The following ALCAM variants were observed in gnomAD, a reference collection of about 807,000 sequenced individuals.
ALCAM encodes CD166 antigen.
In ALCAM, 30 loss-of-function variants were observed where a neutral mutation model predicts 70.9. The observed-to-expected ratio is 0.42, with a 90% CI of 0.32 to 0.57. The LOEUF (loss-of-function observed/expected upper bound fraction) is 0.57. ALCAM is among the 20% of genes least tolerant of loss of function. The pLI is 0.11. For synonymous variants in ALCAM, 249 were observed against 242.5 expected (o/e 1.03, Z -0.25); for missense variants, 591 against 695.1 (o/e 0.85, Z 1.68).
chr3:105,566,573 C>T (rs927484874), intron 14 of ALCAM, among the ~76,000 whole-genome samples: 2 of 152,044 alleles, frequency 1.3e-5, no homozygotes, highest in African/African-American at 2.4e-5. Flanking sequence ...CATTTTAATA[C>T]CTCTACTGGC....
chr3:105,560,935 A>G (rs897847492), intron 14 of ALCAM, among the ~76,000 whole-genome samples: 2 of 152,208 alleles, frequency 1.3e-5, no homozygotes, highest in Admixed American at 1.3e-4. Flanking sequence ...TCTGTGCCAC[A>G]AAAAGTTTTG....
chr3:105,433,297 T>A (rs146341268), intron 1 of ALCAM, among the ~76,000 whole-genome samples: 1 of 152,270 alleles, frequency 6.6e-6, no homozygotes, highest in East Asian at 1.9e-4. Context: ...AGAACTTGCC[T>A]TGGCTTAGTG....
intron 1 of ALCAM, among the ~76,000 whole-genome samples, chr3:105,479,041 C>G (rs1400016736): frequency 6.6e-6 from 1 of 152,064 alleles, no homozygotes; most frequent in African/African-American, 2.4e-5. Context: ...TAGTCTATAA[C>G]AGATTTAGGA....
At chr3:105,389,371 GTTTTTTTTTTTT>G (rs371987714) in intron 1 of ALCAM, among the ~76,000 whole-genome samples, 1,609 of 58,202 alleles carry the variant, frequency 0.028, 42 homozygotes, top group African/African-American at 0.063. Flanking sequence ...TATATACATA[GTTTTTTTTTTTT>G]TTTTTTTTTT....
At chr3:105,430,038 A>G (rs1936888619) in intron 1 of ALCAM, among the ~76,000 whole-genome samples, 2 of 152,012 alleles carry the variant, frequency 1.3e-5, no homozygotes, top group Non-Finnish European at 2.9e-5. Context: ...CAGTAGAGCA[A>G]TGTATGATAA....
At chr3:105,513,639 T>G (rs1939299948) in intron 1 of ALCAM, among the ~76,000 whole-genome samples, 1 of 151,940 alleles carries the variant, frequency 6.6e-6, no homozygotes. Flanking sequence ...TGATTTAAAA[T>G]TCATGAGGCA....
At chr3:105,370,168 T>G (rs916161336) in intron 1 of ALCAM, among the ~76,000 whole-genome samples, 3 of 152,208 alleles carry the variant, frequency 2.0e-5, no homozygotes, top group African/African-American at 7.2e-5. Context: ...ATATTATGTT[T>G]GAAACATATC....
At chr3:105,392,078 G>T (rs1339742609) in intron 1 of ALCAM, among the ~76,000 whole-genome samples, 7 of 151,856 alleles carry the variant, frequency 4.6e-5, no homozygotes, top group African/African-American at 1.5e-4. Context: ...GATAATGCTG[G>T]TCTCACAAAA....
chr3:105,377,278 T>A (rs1935402248), intron 1 of ALCAM, among the ~76,000 whole-genome samples: 5 of 152,142 alleles, frequency 3.3e-5, no homozygotes, highest in Non-Finnish European at 5.9e-5. Flanking sequence ...AATCTTTCGT[T>A]ATTACAAACT....
At chr3:105,404,462 GA>G (rs1409065322) in intron 1 of ALCAM, among the ~76,000 whole-genome samples, 1 of 152,066 alleles carries the variant, frequency 6.6e-6, no homozygotes, top group African/African-American at 2.4e-5. Flanking sequence ...TATCAGCCAA[GA>G]ATTTTGTATC....
At chr3:105,425,477 T>C (rs780371753) in intron 1 of ALCAM, among the ~76,000 whole-genome samples, 10 of 151,782 alleles carry the variant, frequency 6.6e-5, no homozygotes, top group Non-Finnish European at 1.5e-4. Context: ...GGAGAAACGA[T>C]TTTCATTCTC....
chr3:105,498,657 C>T (rs1235576288), intron 1 of ALCAM, among the ~76,000 whole-genome samples: 1 of 152,082 alleles, frequency 6.6e-6, no homozygotes, highest in East Asian at 1.9e-4. Context: ...AAGTTTTGTG[C>T]TTGGAGCTCC....
Position 105,458,377 on chromosome 3 carries a change from G to T in ALCAM, c.74-61690G>T, listed in dbSNP as rs537436926. 1.2e-4 allele frequency among the ~76,000 whole-genome samples: 19 copies of T among 152,228 alleles called. No homozygotes were observed. In the South Asian group the frequency reaches 3.3e-3, roughly 27 times the overall value. ...TATGACATTGACTTTTGTAAGGTAC[G>T]CAGGCATGCACCTGTACCTGGGCCA... On this transcript the variant is annotated intron_variant, in intron 1 of 15. Coordinates refer to ENST00000306107, the MANE Select transcript of ALCAM (RefSeq NM_001627.4).
rs543500145 is a variant in ALCAM, at chr3:105,500,928, T to G, written c.74-19139T>G. ...AGCTCTGCAGGAAACACCCAGGTTT[T>G]GAGCAGTCAAAATAAATGCTGATGT... On this transcript the variant is annotated intron_variant, in intron 1 of 15. Transcript: ENST00000306107. Among the ~76,000 whole-genome samples the G allele has an allele frequency of 2.0e-5, 3 of 152,346 alleles. No homozygotes were observed. In the East Asian group the frequency reaches 5.8e-4, roughly 29 times the overall value.
rs558809274 is a variant in ALCAM at position 105,524,478 on chromosome 3, T to C, written c.364T>C (p.Phe122Leu). The C allele has an allele frequency of 1.7e-4, 271 of 1,614,090 alleles. 2 individuals are homozygous for C. In the Middle Eastern group the frequency reaches 2.6e-3, roughly 16 times the overall value. Residue 122 changes from phenylalanine to leucine, a missense_variant, in exon 3 of 16, where the codon TTT (phenylalanine) becomes CTT (leucine). Phe to Leu is a conservative substitution (Grantham distance 22, BLOSUM62 0). This residue lies in a region of ALCAM where 427 missense variants were observed against 450.4 expected (regional missense o/e 0.95). Transcript: ENST00000306107. The stretch of plus-strand genomic sequence containing the variant: ...CATGCTAGTAACTGAGGACAACGTG[T>C]TTGAGGCACCTACAATAGTCAAGGT... Reference protein sequence around the residue: ...VCMLVTEDNVFEAPTIVKVFK... With the variant: ...VCMLVTEDNVLEAPTIVKVFK...
intron 14 of ALCAM, among the ~76,000 whole-genome samples, chr3:105,562,337 A>G (rs1249934069): frequency 6.6e-6 from 1 of 152,200 alleles, no homozygotes; most frequent in Non-Finnish European, 1.5e-5. Context: ...TTCCTAGATT[A>G]CCAGTAGTTT....
chr3:105,538,508 C>T (rs768429277), intron 6 of ALCAM, among the ~76,000 whole-genome samples: 18 of 152,114 alleles, frequency 1.2e-4, no homozygotes, highest in African/African-American at 3.9e-4. Flanking sequence ...TGATGACTCT[C>T]TAATACAAAG....
At chr3:105,530,497 C>T (rs781178720) in intron 3 of ALCAM, among the ~76,000 whole-genome samples, 1 of 151,856 alleles carries the variant, frequency 6.6e-6, no homozygotes, top group Non-Finnish European at 1.5e-5. Flanking sequence ...TCAAGTGTCA[C>T]TTCTAGTTTG....
Position 105,392,074 on chromosome 3 carries a change from G to A in ALCAM, c.73+24593G>A, listed in dbSNP as rs117949928. 1.7e-4 allele frequency among the ~76,000 whole-genome samples: 26 copies of A among 152,024 alleles called. No individual in the cohort carries two copies. In the East Asian group the frequency reaches 4.9e-3, roughly 28 times the overall value. The stretch of plus-strand genomic sequence containing the variant: ...TGCCAGGTTTTGGTATCACGATAAT[G>A]CTGGTCTCACAAAATGAGTTAGGAA... On this transcript the variant is annotated intron_variant, in intron 1 of 15. Coordinates refer to ENST00000306107, the MANE Select transcript of ALCAM (RefSeq NM_001627.4).
Sources: allele counts gnomAD v4.1 joint callset (sites outside exome capture counted in the v4.1 genomes callset), GRCh38; gene constraint gnomAD v4.1.1; regional missense constraint gnomAD v4.1.1; transcripts MANE v1.5; gene names NCBI Gene and HGNC (gene_info 2026-07-23, HGNC 2026-07-21).